Variants in DTL observed in about 807,000 individuals in gnomAD.
DTL encodes denticleless E3 ubiquitin protein ligase adapter.
DTL carries 46 observed loss-of-function variants against 87.0 expected under a neutral mutation model. The ratio of observed to expected loss-of-function variants is 0.53; its 90% confidence interval spans 0.42 to 0.68. The LOEUF is 0.68. DTL is among the 30% of genes least tolerant of loss of function. The pLI is 0.00. For missense variants in DTL, 737 were observed against 869.4 expected (o/e 0.85, Z 1.91); for synonymous variants, 308 against 311.2 (o/e 0.99, Z 0.11).
chr1:212,080,547 C>G, intron 12 of DTL, 68 bp from the exon 13 acceptor site: 1 of 1,496,380 alleles, frequency 6.7e-7, no homozygotes, highest in South Asian at 1.2e-5. Flanking sequence ...TTAAGACACA[C>G]CTGTTTTTTA....
intron 13 of DTL, among the ~76,000 whole-genome samples, chr1:212,098,167 T>C (rs1333257183): frequency 6.6e-6 from 1 of 152,184 alleles, no homozygotes; most frequent in Non-Finnish European, 1.5e-5. Context: ...TACTTGGTTG[T>C]AGTTTTATTT....
At chr1:212,054,088 A>G (rs550386373) in intron 5 of DTL, among the ~76,000 whole-genome samples, 21 of 152,180 alleles carry the variant, frequency 1.4e-4, no homozygotes, top group Non-Finnish European at 3.1e-4. Flanking sequence ...TGTCACACCT[A>G]CAGGAGGGCA....
intron 13 of DTL, among the ~76,000 whole-genome samples, chr1:212,098,875 A>G (rs1421583535): frequency 6.6e-6 from 1 of 151,918 alleles, no homozygotes; most frequent in Non-Finnish European, 1.5e-5. Context: ...TCTGCCTGCC[A>G]CAGCTTCTGT....
chr1:212,102,716 A>C (rs1193511414), intron 14 of DTL, 126 bp from the exon 15 acceptor site: 1 of 631,396 alleles, frequency 1.6e-6, no homozygotes, highest in Non-Finnish European at 2.8e-6. Context: ...CATTGAAAGT[A>C]TTTGGAGCTG....
chr1:212,057,431 TAA>T (rs1668211447), intron 5 of DTL, among the ~76,000 whole-genome samples: 1 of 148,030 alleles, frequency 6.8e-6, no homozygotes, highest in Admixed American at 6.7e-5. Flanking sequence ...AAAAGAGAAA[TAA>T]AGTCTTTCCC....
intron 12 of DTL, 85 bp from the exon 13 acceptor site, chr1:212,080,530 C>G: frequency 8.0e-7 from 1 of 1,255,988 alleles, no homozygotes; most frequent in South Asian, 1.6e-5. Context: ...TATCCAGTCA[C>G]AAGGCCTTAA....
chr1:212,042,625 T>C (rs1417051044), intron 1 of DTL, among the ~76,000 whole-genome samples: 3 of 152,252 alleles, frequency 2.0e-5, no homozygotes, highest in African/African-American at 7.2e-5. Context: ...AATAAGAATT[T>C]AATTGAAGGG....
chr1:212,037,116 T>A (rs1297186482), intron 1 of DTL, among the ~76,000 whole-genome samples: 2 of 152,260 alleles, frequency 1.3e-5, no homozygotes, highest in East Asian at 3.8e-4. Context: ...GGCTAAGAAC[T>A]CTGTCTTTGA....
At chr1:212,070,663 T>C (rs999082497) in intron 10 of DTL, among the ~76,000 whole-genome samples, 1 of 151,806 alleles carries the variant, frequency 6.6e-6, no homozygotes, top group African/African-American at 2.4e-5. Context: ...TAACGTCTTG[T>C]AATTACTTGT....
intron 5 of DTL, among the ~76,000 whole-genome samples, chr1:212,054,065 C>T (rs1423778451): frequency 6.6e-6 from 1 of 152,140 alleles, no homozygotes; most frequent in Non-Finnish European, 1.5e-5. Context: ...TTGTTTGGAT[C>T]CAAATTGAAG....
intron 10 of DTL, among the ~76,000 whole-genome samples, chr1:212,070,960 A>C (rs910540054): frequency 6.6e-6 from 1 of 152,214 alleles, no homozygotes; most frequent in African/African-American, 2.4e-5. Context: ...TTTTCCATTC[A>C]TAGTTGAGAG....
intron 1 of DTL, among the ~76,000 whole-genome samples, chr1:212,040,792 A>G (rs1003510297): frequency 1.3e-5 from 2 of 152,254 alleles, no homozygotes; most frequent in Non-Finnish European, 2.9e-5. Flanking sequence ...CTCTGGACAC[A>G]GGGATGATTC....
At chr1:212,043,828 CAAAAAAA>C (rs35962372) in intron 2 of DTL, among the ~76,000 whole-genome samples, 12 of 83,686 alleles carry the variant, frequency 1.4e-4, no homozygotes, top group South Asian at 9.6e-4. Flanking sequence ...ACTTCATCTC[CAAAAAAA>C]AAAAAAAAAA....
chr1:212,043,168 AC>A (rs1184624542), intron 2 of DTL, 50 bp downstream of exon 2: 13 of 1,560,620 alleles, frequency 8.3e-6, no homozygotes, highest in Non-Finnish European at 1.1e-5. Context: ...GATCTATTTC[AC>A]ACTTATAGGG....
At chr1:212,057,625 A>C (rs971950359) in intron 5 of DTL, among the ~76,000 whole-genome samples, 17 of 152,112 alleles carry the variant, frequency 1.1e-4, no homozygotes, top group African/African-American at 4.1e-4. Context: ...TGTTACCACT[A>C]CCGAATACCA....
rs1165169582 is a variant in DTL, at chr1:212,102,758, C to A, written c.2095-84C>A. On this transcript the variant is annotated intron_variant, in intron 14 of 14. Transcript: ENST00000366991. ...GGCTAAACAATGAAATTTCTGGCAG[C>A]CTAATTTAAGGTATGCCTTAGTAAT... 16 of 909,678 alleles carry A rather than the reference C, an allele frequency of 1.8e-5. No homozygotes were observed. The Admixed American group carries it at 3.6e-4, about 20-fold the overall frequency. 56.4% of individuals were successfully genotyped at this position (909,678 alleles called of 1,614,324 possible). A position where few individuals can be genotyped will look rare whatever the true frequency, so the allele number is the denominator to read the frequency against.
rs1655680658 is a variant in DTL, at chr1:212,103,374, C to A, written c.*434C>A. On this transcript the variant is annotated 3_prime_UTR_variant, in exon 15 of 15. Coordinates refer to ENST00000366991, the MANE Select transcript of DTL (RefSeq NM_016448.4). ...TGACTGAGAAATCCTCTGCTGAAGA[C>A]CCCTGGTTCTGTTCTGCCTCCAACA... 1 of 152,692 alleles carries A rather than the reference C, an allele frequency of 6.5e-6. No individual in the cohort carries two copies. The highest frequency in any genetic ancestry group is 2.1e-4 in the South Asian group (1 of 4,866). 9.5% of individuals were successfully genotyped at this position (152,692 alleles called of 1,614,324 possible).
At chr1:212,092,153 T>C (rs1227482903) in intron 13 of DTL, among the ~76,000 whole-genome samples, 1 of 152,218 alleles carries the variant, frequency 6.6e-6, no homozygotes. Context: ...GTATCATTCT[T>C]ATGCCTTTGC....
Position 212,100,998 on chromosome 1 carries a change from C to G in DTL, c.2008C>G (p.Arg670Gly). The part of the protein sequence containing the change: ...KNWLLAMAAK[R>G]KAENPSPRSP... ...CTGGTTGTTGGCCATGGCAGCCAAACGGAAGGCTGAGAATCCATCTCCACG... is the reference window on the plus strand; with the variant it reads ...CTGGTTGTTGGCCATGGCAGCCAAAGGGAAGGCTGAGAATCCATCTCCACG... The change falls in exon 14 of 15, where the codon CGG becomes GGG. Residue 670 changes from arginine (R) to glycine (G), a missense_variant. Transcript: ENST00000366991. 6.2e-7 allele frequency: 1 copy of G among 1,614,062 alleles called. No homozygotes were observed.
Sources: gnomAD v4.1 joint callset for allele counts (sites outside exome capture counted in the v4.1 genomes callset) on GRCh38, gnomAD v4.1.1 for gene constraint, MANE v1.5 for transcripts, NCBI Gene and HGNC (gene_info 2026-07-23, HGNC 2026-07-21) for gene names.